C1orf21: variants seen among roughly 807,000 people sequenced by gnomAD.
C1orf21 encodes uncharacterized protein C1orf21.
In C1orf21, 3 loss-of-function variants were observed where a neutral mutation model predicts 18.7. That is an observed-to-expected ratio of 0.16 (90% confidence interval 0.07 to 0.42). C1orf21 has a LOEUF of 0.42. Among genes scored for constraint, C1orf21 ranks in the 10% least tolerant of loss-of-function variants. C1orf21 has a pLI of 0.99. For synonymous variants in C1orf21, 41 were observed against 46.4 expected (o/e 0.88, Z 0.47); for missense variants, 104 against 143.6 (o/e 0.72, Z 1.41).
At chr1:184,553,092 A>G (rs1480154600) in intron 3 of C1orf21, among the ~76,000 whole-genome samples, 1 of 152,116 alleles carries the variant, frequency 6.6e-6, no homozygotes. Context: ...CAGGGCCCTC[A>G]AGTCTAATGA....
At chr1:184,519,829 C>T (rs7513091) in intron 3 of C1orf21, among the ~76,000 whole-genome samples, 38,296 of 151,974 alleles carry the variant, frequency 0.25, 5,246 homozygotes, top group African/African-American at 0.37. Flanking sequence ...CTCTTCCTGT[C>T]GACTTCATTT....
chr1:184,450,075 A>C (rs1025475841), intron 1 of C1orf21, among the ~76,000 whole-genome samples: 4 of 152,096 alleles, frequency 2.6e-5, no homozygotes, highest in African/African-American at 9.7e-5. Flanking sequence ...AGGTGTTATG[A>C]GTCAGTTGCT....
chr1:184,558,321 ATG>A (rs758389885), intron 3 of C1orf21, among the ~76,000 whole-genome samples: 1 of 152,224 alleles, frequency 6.6e-6, no homozygotes, highest in Non-Finnish European at 1.5e-5. Flanking sequence ...CATGATTTCT[ATG>A]GCCCTGATTT....
chr1:184,596,937 T>C (rs557538647), intron 4 of C1orf21, among the ~76,000 whole-genome samples: 1 of 151,554 alleles, frequency 6.6e-6, no homozygotes, highest in Non-Finnish European at 1.5e-5. Context: ...AGATCCTCTA[T>C]TATAAGAATA....
chr1:184,444,517 T>C (rs1473518794), intron 1 of C1orf21, among the ~76,000 whole-genome samples: 2 of 152,144 alleles, frequency 1.3e-5, no homozygotes, highest in Non-Finnish European at 2.9e-5. Flanking sequence ...TCCCCAGCCA[T>C]GTGGAACTGT....
chr1:184,499,394 A>G (rs1490623173), intron 2 of C1orf21, among the ~76,000 whole-genome samples: 1 of 152,272 alleles, frequency 6.6e-6, no homozygotes, highest in Admixed American at 6.5e-5. Context: ...ATTTTAACGC[A>G]AGATTTCACA....
chr1:184,565,434 T>A (rs1659022375), intron 3 of C1orf21, among the ~76,000 whole-genome samples: 1 of 152,122 alleles, frequency 6.6e-6, no homozygotes, highest in Non-Finnish European at 1.5e-5. Flanking sequence ...AGTGGCAGAG[T>A]CTAGCTTTTA....
intron 1 of C1orf21, among the ~76,000 whole-genome samples, chr1:184,459,122 G>A (rs1656941897): frequency 6.6e-6 from 1 of 151,964 alleles, no homozygotes; most frequent in South Asian, 2.1e-4. Flanking sequence ...GACATTATAG[G>A]GACTTTTCCA....
At chr1:184,428,040 GC>G (rs1656669463) in intron 1 of C1orf21, among the ~76,000 whole-genome samples, 1 of 152,180 alleles carries the variant, frequency 6.6e-6, no homozygotes, top group East Asian at 1.9e-4. Flanking sequence ...AGATACTTAA[GC>G]CCTCTGAGTT....
At chr1:184,455,690 C>T (rs1657188237) in intron 1 of C1orf21, among the ~76,000 whole-genome samples, 1 of 152,152 alleles carries the variant, frequency 6.6e-6, no homozygotes, top group Non-Finnish European at 1.5e-5. Context: ...TTGTTCCCAT[C>T]ATAGCTCCAG....
intron 1 of C1orf21, among the ~76,000 whole-genome samples, chr1:184,457,251 G>A (rs1184361882): frequency 6.6e-6 from 1 of 152,108 alleles, no homozygotes; most frequent in Non-Finnish European, 1.5e-5. Flanking sequence ...AAGTAAATTG[G>A]TATATTCAAC....
chr1:184,417,726 A>C (rs1557967094), intron 1 of C1orf21, among the ~76,000 whole-genome samples: 1 of 152,254 alleles, frequency 6.6e-6, no homozygotes, highest in South Asian at 2.1e-4. Flanking sequence ...TCAGAATGCC[A>C]GATTCTTCTT....
intron 3 of C1orf21, among the ~76,000 whole-genome samples, chr1:184,523,060 A>G (rs1658327194): frequency 1.3e-5 from 2 of 152,380 alleles, no homozygotes; most frequent in Non-Finnish European, 2.9e-5. Context: ...ATGATTGAAT[A>G]AATACATGCA....
intron 3 of C1orf21, among the ~76,000 whole-genome samples, chr1:184,515,875 G>A (rs1004696294): frequency 6.6e-6 from 1 of 152,122 alleles, no homozygotes; most frequent in Non-Finnish European, 1.5e-5. Context: ...GTGCAATGGC[G>A]TGATCTCGGC....
At chr1:184,557,718 C>T (rs560141549) in intron 3 of C1orf21, among the ~76,000 whole-genome samples, 1 of 152,222 alleles carries the variant, frequency 6.6e-6, no homozygotes, top group Admixed American at 6.5e-5. Flanking sequence ...AATTTAAAAC[C>T]TCATTCCCTT....
chr1:184,444,267 TC>T (rs1172572890), intron 1 of C1orf21, among the ~76,000 whole-genome samples: 1 of 152,320 alleles, frequency 6.6e-6, no homozygotes, highest in East Asian at 1.9e-4. Context: ...TTTAGCTGTG[TC>T]CCCACCCAAA....
Position 184,624,227 on chromosome 1 carries a change from T to G in C1orf21, c.*4671T>G, listed in dbSNP as rs1203280828. ...CTGCCTTCCAGAATCTCTCTCTGGC[T>G]TCTCACCAGCTTGGTTTCCTCATGG... On this transcript the variant is annotated 3_prime_UTR_variant, in exon 6 of 6. Transcript: ENST00000235307. The G allele has an allele frequency of 1.3e-5, 2 of 152,594 alleles. No individual in the cohort carries two copies. The highest frequency in any genetic ancestry group is 4.8e-5 in the African/African-American group (2 of 41,432). 9.5% of individuals were successfully genotyped at this position (152,594 alleles called of 1,614,324 possible). A position where few individuals can be genotyped will look rare whatever the true frequency, so the allele number is the denominator to read the frequency against.
intron 1 of C1orf21, among the ~76,000 whole-genome samples, chr1:184,399,719 GAAGTT>G (rs1474472062): frequency 6.6e-6 from 1 of 152,134 alleles, no homozygotes; most frequent in Non-Finnish European, 1.5e-5. Flanking sequence ...CTTCTTTTGT[GAAGTT>G]AAGTCTAACA....
chr1:184,590,589 C>T, intron 3 of C1orf21, 150 bp from the exon 4 acceptor site: 1 of 664,056 alleles, frequency 1.5e-6, no homozygotes, highest in Non-Finnish European at 2.6e-6. Context: ...TTCTGTGTGT[C>T]ATCTTTGCAA....
Sources: gnomAD v4.1 joint callset for allele counts (sites outside exome capture counted in the v4.1 genomes callset) on GRCh38, gnomAD v4.1.1 for gene constraint, MANE v1.5 for transcripts, NCBI Gene and HGNC (gene_info 2026-07-23, HGNC 2026-07-21) for gene names.